SORCS2: variants seen among roughly 807,000 people sequenced by gnomAD.
SORCS2 encodes the protein VPS10 domain-containing receptor SorCS2.
A neutral mutation model predicts 141.6 loss-of-function variants in SORCS2; 100 were observed. The observed-to-expected ratio is 0.71, with a 90% CI of 0.60 to 0.83. The LOEUF (loss-of-function observed/expected upper bound fraction) is 0.83, where lower values mean the gene tolerates loss of function less well. SORCS2 is among the 40% of genes least tolerant of loss of function. The probability of loss-of-function intolerance (pLI) is 0.00; values close to 1 mark genes in which losing one functional copy is unlikely to be tolerated. For missense variants in SORCS2, 1,646 were observed against 1,560.2 expected, an observed-to-expected ratio of 1.05 and a Z score of -0.93; for synonymous variants, 789 against 676.9, an observed-to-expected ratio of 1.17 and a Z score of -2.57.
At chr4:7,706,035 AGGGATGAGGCTGGGCTCCG>A (rs1725413714) in intron 14 of SORCS2, among the ~76,000 whole-genome samples, 1 of 148,288 alleles carries the variant, frequency 6.7e-6, no homozygotes, top group Non-Finnish European at 1.5e-5. Context: ...CTGTCTGGGC[AGGGATGAGGCTGGGCTCCG>A]CCTGGGCAGG....
intron 2 of SORCS2, among the ~76,000 whole-genome samples, chr4:7,428,013 C>A (rs1726576742): frequency 6.6e-6 from 1 of 152,152 alleles, no homozygotes; most frequent in South Asian, 2.1e-4. Flanking sequence ...GGGGTCTGCT[C>A]TGTGGGCTCT....
chr4:7,460,090 C>G (rs1434847277), intron 2 of SORCS2: 5 of 27,874 alleles, frequency 1.8e-4, no homozygotes, highest in Admixed American at 4.3e-4. Flanking sequence ...GTCAGGTGAC[C>G]CAGCAGTCCC....
intron 2 of SORCS2, chr4:7,435,092 G>C (rs1727209082): frequency 3.4e-6 from 2 of 582,230 alleles, no homozygotes; most frequent in Non-Finnish European, 5.9e-6. Flanking sequence ...CTTTTCCCCT[G>C]GATAAGATAA....
chr4:7,642,616 A>G (rs1720820444), intron 4 of SORCS2, among the ~76,000 whole-genome samples: 1 of 152,210 alleles, frequency 6.6e-6, no homozygotes, highest in Non-Finnish European at 1.5e-5. Context: ...CTTTGACTCC[A>G]ACAAATCTGG....
Position 7,712,802 on chromosome 4 carries a change from C to T in SORCS2, c.1938C>T (p.Ser646=). The change falls in exon 15 of 27, where the codon TCC becomes TCT. Residue 646 remains serine (S), a synonymous_variant. Transcript: ENST00000507866. ...LVKVDFRPSF[S]RQCGEEDYSS... ...AGGTGGACTTCCGGCCCTCATTCTCCAGGCAGTGCGGCGAGGAGGACTACA... is the reference window on the plus strand; with the variant it reads ...AGGTGGACTTCCGGCCCTCATTCTCTAGGCAGTGCGGCGAGGAGGACTACA... 6.2e-7 allele frequency: 1 copy of T among 1,613,988 alleles called. No homozygotes were observed. Among genetic ancestry groups the T allele is most frequent in the Non-Finnish European group, 8.5e-7 (1 of 1,179,884 alleles).
intron 1 of SORCS2, among the ~76,000 whole-genome samples, chr4:7,335,004 A>C (rs565175974): frequency 6.6e-6 from 1 of 152,234 alleles, no homozygotes; most frequent in South Asian, 2.1e-4. Flanking sequence ...ACTGAGATGC[A>C]GTCGGCTGGG....
At chr4:7,616,084 A>G (rs1477382777) in intron 3 of SORCS2, among the ~76,000 whole-genome samples, 1 of 152,110 alleles carries the variant, frequency 6.6e-6, no homozygotes, top group African/African-American at 2.4e-5. Flanking sequence ...CTTCAGCTGG[A>G]CTCTAGCCTA....
intron 2 of SORCS2, among the ~76,000 whole-genome samples, chr4:7,420,804 G>T (rs556071027): frequency 2.0e-5 from 3 of 152,294 alleles, no homozygotes; most frequent in Non-Finnish European, 4.4e-5. Flanking sequence ...CCACCAGCCA[G>T]CCCGCCTGCC....
intron 18 of SORCS2, among the ~76,000 whole-genome samples, chr4:7,721,343 G>C (rs1214752752): frequency 6.6e-6 from 1 of 152,184 alleles, no homozygotes; most frequent in Non-Finnish European, 1.5e-5. Context: ...ATGCATGCCT[G>C]TAATCCCAGC....
intron 2 of SORCS2, chr4:7,434,920 G>A: frequency 6.7e-7 from 1 of 1,489,242 alleles, no homozygotes; most frequent in Non-Finnish European, 8.9e-7. Context: ...CCCAGCAGTG[G>A]CTGCTGCTAT....
intron 2 of SORCS2, among the ~76,000 whole-genome samples, chr4:7,447,815 G>T (rs548262961): frequency 6.6e-6 from 1 of 152,272 alleles, no homozygotes; most frequent in Non-Finnish European, 1.5e-5. Flanking sequence ...TGCATCCCAG[G>T]ATGTCCCACA....
At chr4:7,730,629 C>T (rs1032233417) in intron 23 of SORCS2, among the ~76,000 whole-genome samples, 2 of 152,164 alleles carry the variant, frequency 1.3e-5, no homozygotes, top group East Asian at 1.9e-4. Context: ...TGAAAGAGGC[C>T]AGTTGCAAAA....
rs575579175 is a variant in SORCS2, at chr4:7,676,459, A to G, written c.1341+230A>G. Among the ~76,000 whole-genome samples, 28 of 152,322 alleles carry G rather than the reference A, an allele frequency of 1.8e-4. 1 individual carries two copies. The South Asian group carries it at 5.2e-3, about 28-fold the overall frequency. The stretch of plus-strand genomic sequence containing the variant: ...CCTTCTTGAGGAAATTCGAAATACA[A>G]TGATCATCAAGTATAAGTTCTTGTC... On this transcript the variant is annotated intron_variant, in intron 9 of 26. Transcript: ENST00000507866.
intron 1 of SORCS2, among the ~76,000 whole-genome samples, chr4:7,379,014 C>T (rs573194767): frequency 1.3e-4 from 20 of 152,296 alleles, no homozygotes; most frequent in Admixed American, 4.6e-4. Context: ...ATGCATACCC[C>T]GGCCTTTGTT....
intron 1 of SORCS2, among the ~76,000 whole-genome samples, chr4:7,220,979 C>CAG (rs369881343): frequency 3.3e-5 from 5 of 152,032 alleles, no homozygotes; most frequent in African/African-American, 7.2e-5. Flanking sequence ...AGTGGTTTGT[C>CAG]AGAGAGAGAG....
At chr4:7,299,018 A>C (rs1370035717) in intron 1 of SORCS2, among the ~76,000 whole-genome samples, 1 of 152,260 alleles carries the variant, frequency 6.6e-6, no homozygotes, top group Non-Finnish European at 1.5e-5. Flanking sequence ...GAGGCCTCAC[A>C]AAAGGGCCGT....
At chr4:7,496,895 C>G (rs1408825054) in intron 2 of SORCS2, among the ~76,000 whole-genome samples, 1 of 152,186 alleles carries the variant, frequency 6.6e-6, no homozygotes, top group African/African-American at 2.4e-5. Flanking sequence ...CTTCTCCAGG[C>G]GAGGCCAGGT....
intron 2 of SORCS2, among the ~76,000 whole-genome samples, chr4:7,415,280 C>G (rs1402585783): frequency 2.0e-5 from 3 of 152,212 alleles, no homozygotes; most frequent in East Asian, 3.9e-4. Context: ...CTACTGGGCT[C>G]CAGTCAAGAT....
chr4:7,267,788 C>A (rs1377587738), intron 1 of SORCS2, among the ~76,000 whole-genome samples: 1 of 152,134 alleles, frequency 6.6e-6, no homozygotes, highest in South Asian at 2.1e-4. Context: ...GCCGAGATTG[C>A]GCCACTGCAC....
Sources: gnomAD v4.1 joint callset for allele counts (sites outside exome capture counted in the v4.1 genomes callset) on GRCh38, gnomAD v4.1.1 for gene constraint, MANE v1.5 for transcripts, NCBI Gene and HGNC (gene_info 2026-07-23, HGNC 2026-07-21) for gene names.